REEP1: variants seen among roughly 807,000 people sequenced by gnomAD.
The protein encoded by REEP1 is receptor expression-enhancing protein 1.
A neutral mutation model predicts 40.3 loss-of-function variants in REEP1; 22 were observed. The ratio of observed to expected loss-of-function variants is 0.55; its 90% CI spans 0.39 to 0.78. The LOEUF is 0.78. Among genes scored for constraint, REEP1 ranks in the 30% least tolerant of loss-of-function variants. The pLI, the probability that REEP1 is intolerant of heterozygous loss-of-function variation, is 0.00. For synonymous variants in REEP1, 116 were observed against 139.2 expected (o/e 0.83, Z 1.17); for missense variants, 280 against 361.1 (o/e 0.78, Z 1.82).
At chr2:86,220,569 T>C (rs948458489) in intron 7 of REEP1, among the ~76,000 whole-genome samples, 1 of 152,192 alleles carries the variant, frequency 6.6e-6, no homozygotes, top group Non-Finnish European at 1.5e-5. Context: ...GCAGTTTCTA[T>C]GTTGTACATA....
rs1558916457 is a variant in REEP1 at position 86,288,032 on chromosome 2, A to ATTTTTTTTTTTTTTTTTTTTTTT, written c.33-5791_33-5790insAAAAAAAAAAAAAAAAAAAAAAA. ...TAAAATTATTTATTTTATTTTTATT[A>ATTTTTTTTTTTTTTTTTTTTTTT]TTTTTTTGAGATGGAGTCTCGCTCC... On this transcript the variant is annotated intron_variant, in intron 1 of 8. Coordinates refer to ENST00000538924, the MANE Select transcript of REEP1 (RefSeq NM_001371279.1). Among the ~76,000 whole-genome samples, 60 of 149,814 alleles carry ATTTTTTTTTTTTTTTTTTTTTTT rather than the reference A, an allele frequency of 4.0e-4. 2 individuals are homozygous for ATTTTTTTTTTTTTTTTTTTTTTT. The highest frequency in any genetic ancestry group is 1.4e-3 in the African/African-American group (57 of 39,440).
At chr2:86,293,428 G>A (rs189258687) in intron 1 of REEP1, among the ~76,000 whole-genome samples, 151 of 152,298 alleles carry the variant, frequency 9.9e-4, no homozygotes, top group Non-Finnish European at 1.7e-3. Context: ...GGCTGGCAGT[G>A]GGGTAGAAGA....
chr2:86,237,119 C>T lies in REEP1; in HGVS notation c.418-4317G>A, dbSNP rs565224249. Among the ~76,000 whole-genome samples, 8 of 152,330 alleles carry T rather than the reference C, an allele frequency of 5.3e-5. No individual in the cohort carries two copies. In the South Asian group the frequency reaches 6.2e-4, roughly 12 times the overall value. On this transcript the variant is annotated intron_variant, in intron 5 of 8. Coordinates refer to ENST00000538924, the MANE Select transcript of REEP1 (RefSeq NM_001371279.1). ...GCTGCCGCCCTGACATCATTGTCAA[C>T]GCCTACACATAGATATACTTGGTTG...
At chr2:86,296,724 G>A (rs1679001126) in intron 1 of REEP1, among the ~76,000 whole-genome samples, 1 of 152,168 alleles carries the variant, frequency 6.6e-6, no homozygotes, top group South Asian at 2.1e-4. Context: ...AGGAGTGATG[G>A]CAGGCACCTG....
intron 2 of REEP1, among the ~76,000 whole-genome samples, chr2:86,271,520 C>A (rs892900160): frequency 6.6e-6 from 1 of 152,076 alleles, no homozygotes; most frequent in African/African-American, 2.4e-5. Context: ...AAAATGTCAA[C>A]CTAGAATTCT....
In REEP1 at chr2:86,321,419, C is replaced by T. The variant is rs576767737; in HGVS notation, c.32+16060G>A. 4.1e-4 allele frequency among the ~76,000 whole-genome samples: 62 copies of T among 152,288 alleles called. No individual in the cohort carries two copies. In the South Asian group the frequency reaches 0.013, roughly 32 times the overall value. ...TTTAAGAAAGACATCCAATATTACA[C>T]ACACTATCTCAGAGTACAGAAAAAG... On this transcript the variant is annotated intron_variant, in intron 1 of 8. Coordinates refer to ENST00000538924, the MANE Select transcript of REEP1 (RefSeq NM_001371279.1).
chr2:86,272,932 G>A (rs186637557), intron 2 of REEP1, among the ~76,000 whole-genome samples: 1 of 152,204 alleles, frequency 6.6e-6, no homozygotes, highest in Admixed American at 6.5e-5. Context: ...AGACCAGCCT[G>A]GGAAATGCGG....
At chr2:86,322,773 A>C (rs1225702195) in intron 1 of REEP1, among the ~76,000 whole-genome samples, 1 of 151,818 alleles carries the variant, frequency 6.6e-6, no homozygotes, top group African/African-American at 2.4e-5. Context: ...TTTTTTAATT[A>C]TCTGGGCGTG....
At chr2:86,237,023 C>T (rs895063209) in intron 5 of REEP1, among the ~76,000 whole-genome samples, 2 of 152,182 alleles carry the variant, frequency 1.3e-5, no homozygotes, top group East Asian at 1.9e-4. Context: ...CGTGAGCCAC[C>T]GCGCCCAGCA....
chr2:86,233,062 A>G (rs1417977026), intron 5 of REEP1, among the ~76,000 whole-genome samples: 1 of 152,180 alleles, frequency 6.6e-6, no homozygotes, highest in African/African-American at 2.4e-5. Context: ...CTATGATGAT[A>G]CGATGATACG....
rs79421797 is a variant in REEP1, at chr2:86,243,778, G to A, written c.417+8179C>T. Reference sequence around the variant, plus strand: ...ATCTTGGTGTTTAAAAATGGTTGCCGTGGTGAATTCTAAATATTAACTTCA... The same window carrying A: ...ATCTTGGTGTTTAAAAATGGTTGCCATGGTGAATTCTAAATATTAACTTCA... On this transcript the variant is annotated intron_variant, in intron 5 of 8. Coordinates refer to ENST00000538924, the MANE Select transcript of REEP1 (RefSeq NM_001371279.1). Among the ~76,000 whole-genome samples the A allele has an allele frequency of 3.2e-3, 494 of 152,336 alleles. 1 individual carries two copies. Among genetic ancestry groups the A allele is most frequent in the Non-Finnish European group, 5.2e-3 (353 of 68,012 alleles).
At chr2:86,334,158 A>G (rs1020301213) in intron 1 of REEP1, among the ~76,000 whole-genome samples, 17 of 152,194 alleles carry the variant, frequency 1.1e-4, no homozygotes, top group Non-Finnish European at 2.1e-4. Context: ...ACAAGCCACA[A>G]TTGCTTTCTT....
intron 5 of REEP1, among the ~76,000 whole-genome samples, chr2:86,245,871 T>C (rs1675916857): frequency 6.6e-6 from 1 of 151,890 alleles, no homozygotes; most frequent in African/African-American, 2.4e-5. Context: ...TTCACGCCAT[T>C]CTCCTGCCTC....
chr2:86,239,203 T>A, intron 5 of REEP1, among the ~76,000 whole-genome samples: 1 of 79,938 alleles, frequency 1.3e-5, no homozygotes, highest in Admixed American at 2.0e-4. Context: ...CAATGCCATC[T>A]AGACCAAAAA....
At chr2:86,222,872 G>C (rs1182994831) in intron 7 of REEP1, among the ~76,000 whole-genome samples, 1 of 152,192 alleles carries the variant, frequency 6.6e-6, no homozygotes, top group Non-Finnish European at 1.5e-5. Flanking sequence ...GTGAGTAGCT[G>C]GGTAGAAAAT....
intron 3 of REEP1, 119 bp downstream of exon 3, chr2:86,263,846 G>A (rs1052275589): frequency 6.9e-5 from 53 of 767,332 alleles, no homozygotes; most frequent in Non-Finnish European, 1.2e-4. Context: ...TAACATCCCT[G>A]CTCTTGCGTC....
intron 5 of REEP1, among the ~76,000 whole-genome samples, chr2:86,246,715 T>G (rs1402732896): frequency 2.6e-5 from 4 of 151,594 alleles, no homozygotes; most frequent in African/African-American, 9.7e-5. Context: ...TTTCTTTTTT[T>G]TTTTTGACAG....
intron 5 of REEP1, among the ~76,000 whole-genome samples, chr2:86,241,797 C>T (rs1282094048): frequency 1.3e-5 from 2 of 152,170 alleles, no homozygotes; most frequent in Non-Finnish European, 2.9e-5. Context: ...CCTGTCTTGG[C>T]AGGTGGCAGG....
chr2:86,327,495 G>T (rs1680563325), intron 1 of REEP1, among the ~76,000 whole-genome samples: 1 of 151,972 alleles, frequency 6.6e-6, no homozygotes, highest in African/African-American at 2.4e-5. Context: ...GTTGACAATG[G>T]TAAGGACTTT....
Sources: allele counts gnomAD v4.1 joint callset (sites outside exome capture counted in the v4.1 genomes callset), GRCh38; gene constraint gnomAD v4.1.1; transcripts MANE v1.5; gene names NCBI Gene and HGNC (gene_info 2026-07-23, HGNC 2026-07-21).